The following RNF19A variants were observed in gnomAD, a reference collection of about 807,000 sequenced individuals.
RNF19A encodes ring finger protein 19A, RBR E3 ubiquitin protein ligase.
In RNF19A, 32 loss-of-function variants were observed where a neutral mutation model predicts 75.7. The ratio of observed to expected loss-of-function variants is 0.42; its 90% CI spans 0.32 to 0.57. RNF19A has a LOEUF of 0.57. Ranked by LOEUF, RNF19A falls within the 20% of genes least tolerant of loss-of-function variation. RNF19A has a pLI of 0.10. For synonymous variants in RNF19A, 335 were observed against 345.2 expected (o/e 0.97, Z 0.33); for missense variants, 782 against 1,036.3 (o/e 0.75, Z 3.37).
rs1822611458 is a variant in RNF19A at position 100,331,614 on chromosome 8, G to A, written c.-243+4494C>T. On this transcript the variant is annotated intron_variant, in intron 1 of 3. Transcript: ENST00000519527. This position sits in a 1 kb window ranked among gnomAD's most constrained non-coding sequence, Gnocchi z 5.2. ...ACTGTGCCACTGCACTCCAGCCTGG[G>A]TAACAGAGAGAGACAAACAAACAAA... is the stretch of plus-strand genomic sequence containing the variant. Among the ~76,000 whole-genome samples, 1 of 152,166 alleles carries A rather than the reference G, an allele frequency of 6.6e-6. No individual in the cohort carries two copies. The highest frequency in any genetic ancestry group is 1.5e-5 in the Non-Finnish European group (1 of 68,036).
In RNF19A at chr8:100,330,839, C is replaced by G. The variant is rs1357948426; in HGVS notation, c.-243+5269G>C. On this transcript the variant is annotated intron_variant, in intron 1 of 3. Transcript: ENST00000519527. The surrounding 1 kb of genome is among the most constrained non-coding windows in gnomAD (Gnocchi z 4.1). The stretch of plus-strand genomic sequence containing the variant: ...AACTTGGCCCTGCCCACCTCTCCAA[C>G]TTCATCTCTCTCCACAACCCTCTTG... Among the ~76,000 whole-genome samples, 3 of 152,242 alleles carry G rather than the reference C, an allele frequency of 2.0e-5. No individual in the cohort carries two copies. The highest frequency in any genetic ancestry group is 7.2e-5 in the African/African-American group (3 of 41,462).
Position 100,264,220 on chromosome 8 carries a change from T to G in RNF19A, c.1307-25A>C. ...CCTAAAGAGAAATTAAATCAGTCAT[T>G]ACAAACAACAACAACAAAATAACTC... On this transcript the variant is annotated intron_variant, in intron 6 of 9. Transcript: ENST00000341084. The surrounding 1 kb of genome is among the most constrained non-coding windows in gnomAD (Gnocchi z 4.7). The G allele has an allele frequency of 6.4e-7, 1 of 1,567,942 alleles. No homozygotes were observed. The highest frequency in any genetic ancestry group is 8.7e-7 in the Non-Finnish European group (1 of 1,149,086).
rs370795166 is a variant in RNF19A, at chr8:100,258,614, T to C, written c.2459A>G (p.Asn820Ser). Residue 820 changes from asparagine (N) to serine (S), a missense_variant, in exon 10 of 10, where the codon AAT (asparagine) becomes AGT (serine). Asn to Ser is a conservative substitution (Grantham distance 46). Around this residue, in one of 7 missense-constraint regions of RNF19A, gnomAD observed 442 missense variants for 541.6 expected, o/e 0.82. Transcript: ENST00000341084. This position sits in a 1 kb window ranked among gnomAD's most constrained non-coding sequence, Gnocchi z 4.3. ...LYFGDALKET[N>S]NNHSHQTMEL... Reference sequence around the variant, plus strand: ...CATTGTCTGATGTGAGTGGTTGTTATTTGTTTCTTTTAGTGCATCGCCAAA... The same window carrying C: ...CATTGTCTGATGTGAGTGGTTGTTACTTGTTTCTTTTAGTGCATCGCCAAA... 3.1e-6 allele frequency: 5 copies of C among 1,614,020 alleles called. No individual in the cohort carries two copies. In the Admixed American group the frequency reaches 8.3e-5, roughly 27 times the overall value.
At chr8:100,299,316 G>A (rs1821714910) in intron 1 of RNF19A, among the ~76,000 whole-genome samples, 2 of 152,076 alleles carry the variant, frequency 1.3e-5, no homozygotes, top group African/African-American at 4.8e-5. Flanking sequence ...AATTTTCTAG[G>A]ATAAACAAAT....
rs1380105492 is a variant in RNF19A, at chr8:100,257,371, A to AT, written c.*1184dup. The AT allele has an allele frequency of 4.6e-5, 7 of 152,570 alleles. No individual in the cohort carries two copies. Among genetic ancestry groups the AT allele is most frequent in the Non-Finnish European group, 1.0e-4 (7 of 68,020 alleles). The allele number at this position is 152,570 out of a possible 1,614,324, so 9.5% of individuals were successfully genotyped here. ...GGTTAACCTGCTTTTATTTAAGTGA[A>AT]TTATACAGGAAATTAACAGTACAGG... On this transcript the variant is annotated 3_prime_UTR_variant, in exon 10 of 10. Coordinates refer to ENST00000341084, the MANE Select transcript of RNF19A (RefSeq NM_183419.4).
chr8:100,320,509 C>G (rs932396228), intron 1 of RNF19A, among the ~76,000 whole-genome samples: 4 of 152,160 alleles, frequency 2.6e-5, no homozygotes, highest in African/African-American at 4.8e-5. Context: ...TATCCCCATA[C>G]TGATTATACT....
intron 1 of RNF19A, among the ~76,000 whole-genome samples, chr8:100,299,651 C>A (rs754519599): frequency 1.3e-5 from 2 of 151,938 alleles, no homozygotes; most frequent in Non-Finnish European, 2.9e-5. Flanking sequence ...CCCAGCTACT[C>A]GGGAAGCTGA....
Position 100,287,118 on chromosome 8 carries a change from AAAG to A in RNF19A, c.674+380_674+382del, listed in dbSNP as rs1416842819. Among the ~76,000 whole-genome samples the A allele has an allele frequency of 1.3e-5, 2 of 152,206 alleles. No individual in the cohort carries two copies. Among genetic ancestry groups the A allele is most frequent in the East Asian group, 1.9e-4 (1 of 5,202 alleles). On this transcript the variant is annotated intron_variant, in intron 2 of 9. Coordinates refer to ENST00000341084, the MANE Select transcript of RNF19A (RefSeq NM_183419.4). This position sits in a 1 kb window ranked among gnomAD's most constrained non-coding sequence, Gnocchi z 4.1. ...ACATGTCAACAAAGAGAAAAAAAAT[AAAG>A]AAGGTCATTTGAATTTATGACCACA...
chr8:100,318,047 C>G (rs1206005029), intron 1 of RNF19A, among the ~76,000 whole-genome samples: 2 of 152,110 alleles, frequency 1.3e-5, no homozygotes, highest in African/African-American at 4.8e-5. Flanking sequence ...CTCAGATTTC[C>G]TTAAAGAATC....
At chr8:100,300,954 T>C (rs1821795846) in intron 1 of RNF19A, among the ~76,000 whole-genome samples, 1 of 152,224 alleles carries the variant, frequency 6.6e-6, no homozygotes, top group African/African-American at 2.4e-5. Flanking sequence ...CTTGCTCTTC[T>C]CAAGAGGCTG....
chr8:100,309,623 G>A lies in RNF19A; in HGVS notation c.-94+244C>T, dbSNP rs1822216811. The A allele has an allele frequency of 7.5e-6, 7 of 936,954 alleles. No individual in the cohort carries two copies. In the South Asian group the frequency reaches 2.0e-4, roughly 26 times the overall value. The allele number at this position is 936,954 out of a possible 1,614,324, so 58.0% of individuals were successfully genotyped here. The stretch of plus-strand genomic sequence containing the variant: ...CCTCGGCCCCCGCGGCCCGGGAGAC[G>A]CCCGCGCCTGGGCCGGGTAGGGGAC... On this transcript the variant is annotated intron_variant, in intron 1 of 9. Transcript: ENST00000341084.
Position 100,260,003 on chromosome 8 carries a change from A to G in RNF19A, c.1683-6T>C, listed in dbSNP as rs761477443. ...CATCTGCTTGTACTTCCAACCTTAA[A>G]GGGGGGTATGAAATCACCAAAATTA... On this transcript the variant is annotated splice_polypyrimidine_tract_variant and splice_region_variant and intron_variant, in intron 8 of 9. Transcript: ENST00000341084. This position sits in a 1 kb window ranked among gnomAD's most constrained non-coding sequence, Gnocchi z 4.1. 163 of 1,612,718 alleles carry G rather than the reference A, an allele frequency of 1.0e-4. No homozygotes were observed. The highest frequency in any genetic ancestry group is 1.3e-4 in the Non-Finnish European group (156 of 1,179,200).
chr8:100,311,734 A>G (rs976743724), upstream of RNF19A, among the ~76,000 whole-genome samples: 2,417 of 149,350 alleles, frequency 0.016, 66 homozygotes, highest in African/African-American at 0.056. Flanking sequence ...AAAAAAAAAA[A>G]AAAAAGAAAA....
upstream of RNF19A, chr8:100,313,388 A>G (rs1323699423): frequency 1.2e-6 from 1 of 840,820 alleles, no homozygotes; most frequent in South Asian, 5.5e-5. Context: ...AGACAAGAAG[A>G]AGGCAAACTA....
intron 1 of RNF19A, among the ~76,000 whole-genome samples, chr8:100,316,137 C>A (rs1822370398): frequency 6.6e-6 from 1 of 152,014 alleles, no homozygotes; most frequent in South Asian, 2.1e-4. Flanking sequence ...AGCTGCAGAC[C>A]TTCGCGGTGA....
At chr8:100,309,798 G>C (rs964206414) in intron 1 of RNF19A, 69 bp downstream of exon 1, 1 of 985,450 alleles carries the variant, frequency 1.0e-6, no homozygotes, top group African/African-American at 1.7e-5. Flanking sequence ...GAGCTCCCTG[G>C]GTCGTAAGCG....
intron 5 of RNF19A, among the ~76,000 whole-genome samples, chr8:100,268,047 T>G (rs140280695): frequency 3.3e-5 from 5 of 152,130 alleles, no homozygotes; most frequent in Non-Finnish European, 5.9e-5. Context: ...TAATTTCTTT[T>G]TATTTTTTAA....
At chr8:100,295,584 G>A (rs923965773) in intron 1 of RNF19A, among the ~76,000 whole-genome samples, 1 of 152,082 alleles carries the variant, frequency 6.6e-6, no homozygotes, top group African/African-American at 2.4e-5. Context: ...GGAAATATCT[G>A]TCTTTGTGCA....
chr8:100,300,377 G>A (rs527866068), intron 1 of RNF19A, among the ~76,000 whole-genome samples: 1 of 152,312 alleles, frequency 6.6e-6, no homozygotes, highest in South Asian at 2.1e-4. Context: ...AGCTGGGCAT[G>A]GTATGGTGGC....
Sources: allele counts gnomAD v4.1 joint callset (sites outside exome capture counted in the v4.1 genomes callset), GRCh38; gene constraint gnomAD v4.1.1; regional missense constraint gnomAD v4.1.1; non-coding constraint Gnocchi (gnomAD v3.1); transcripts MANE v1.5; gene names NCBI Gene and HGNC (gene_info 2026-07-23, HGNC 2026-07-21).